DPP10: variants seen among roughly 807,000 people sequenced by gnomAD.
The protein encoded by DPP10 is dipeptidyl peptidase like 10.
A neutral mutation model predicts 120.9 loss-of-function variants in DPP10; 33 were observed. The ratio of observed to expected loss-of-function variants is 0.27; its 90% CI spans 0.21 to 0.37. DPP10 has a LOEUF of 0.37. DPP10 is among the 10% of genes least tolerant of loss of function. The probability of loss-of-function intolerance (pLI) is 1.00; values close to 1 mark genes in which losing one functional copy is unlikely to be tolerated. For missense variants in DPP10, 816 were observed against 942.8 expected (o/e 0.87, Z 1.76); for synonymous variants, 337 against 326.1 (o/e 1.03, Z -0.36).
At chr2:115,227,452 A>G (rs773624523) in intron 1 of DPP10, among the ~76,000 whole-genome samples, 1 of 152,076 alleles carries the variant, frequency 6.6e-6, no homozygotes, top group African/African-American at 2.4e-5. Context: ...TGTAATTTGC[A>G]TACAGTGAAG....
At chr2:115,658,121 A>G (rs973535961) in intron 5 of DPP10, among the ~76,000 whole-genome samples, 1 of 151,948 alleles carries the variant, frequency 6.6e-6, no homozygotes, top group East Asian at 1.9e-4. Flanking sequence ...CTGGATTGCT[A>G]TGCTCTATTT....
chr2:115,343,023 G>A (rs956082173), intron 2 of DPP10, among the ~76,000 whole-genome samples: 16 of 152,114 alleles, frequency 1.1e-4, no homozygotes, highest in Admixed American at 2.6e-4. Context: ...ATAGCTGAAA[G>A]GTCACAAAGA....
chr2:115,189,841 G>A (rs546494514), intron 1 of DPP10, among the ~76,000 whole-genome samples: 7 of 152,122 alleles, frequency 4.6e-5, no homozygotes, highest in African/African-American at 1.2e-4. Context: ...AGTAAGCATC[G>A]AGGCTATGAT....
intron 5 of DPP10, among the ~76,000 whole-genome samples, chr2:115,685,475 C>T (rs2090938266): frequency 6.6e-6 from 1 of 151,958 alleles, no homozygotes; most frequent in Non-Finnish European, 1.5e-5. Flanking sequence ...CCGAATGGAA[C>T]ATAAGCTCCG....
At position 114,650,596 on chromosome 2, in the gene DPP10, T is replaced by C. The variant is rs546312209; in HGVS notation, c.60+207758T>C. On this transcript the variant is annotated intron_variant, in intron 1 of 25. Coordinates refer to ENST00000410059, the MANE Select transcript of DPP10 (RefSeq NM_020868.6). ...CTTTTCACTTATTCAGAGCATCCCA[T>C]TAGTTTACATGAGAGAAAAGGAATT... is the stretch of plus-strand genomic sequence containing the variant. Among the ~76,000 whole-genome samples, 20 of 152,312 alleles carry C rather than the reference T, an allele frequency of 1.3e-4. No individual in the cohort carries two copies. In the South Asian group the frequency reaches 4.1e-3, roughly 32 times the overall value.
chr2:115,818,656 A>C (rs539815113), intron 21 of DPP10, among the ~76,000 whole-genome samples: 1 of 152,316 alleles, frequency 6.6e-6, no homozygotes, highest in Admixed American at 6.5e-5. Flanking sequence ...TGTTATTAGA[A>C]GAATGATAGG....
rs1056461170 is a variant in DPP10, at chr2:114,914,975, C to G, written c.61-394264C>G. On this transcript the variant is annotated intron_variant, in intron 1 of 25. Transcript: ENST00000410059. ...TGAAACCCCGTCTCTACTAAAAATA[C>G]AAAAAATTAGCCGGGCGTAGTGGTG... is the stretch of plus-strand genomic sequence containing the variant. 3.3e-5 allele frequency among the ~76,000 whole-genome samples: 5 copies of G among 152,070 alleles called. No homozygotes were observed. The East Asian group carries it at 9.7e-4, about 29-fold the overall frequency.
chr2:115,450,898 A>T (rs2073057559), intron 3 of DPP10, among the ~76,000 whole-genome samples: 1 of 151,958 alleles, frequency 6.6e-6, no homozygotes, highest in Admixed American at 6.6e-5. Context: ...AGATAATGAA[A>T]ATATTAACAG....
chr2:115,544,096 C>A (rs2079346777), intron 5 of DPP10, among the ~76,000 whole-genome samples: 1 of 150,498 alleles, frequency 6.6e-6, no homozygotes, highest in Non-Finnish European at 1.5e-5. Flanking sequence ...TATTTTCTTC[C>A]TGAAAATGTG....
Position 115,304,201 on chromosome 2 carries a change from AT to A in DPP10, c.61-5028del, listed in dbSNP as rs988430061. ...GTGAACTGATGGAAGAGGAGACCCC[AT>A]TTTTTTTTTAATTTTGAGGAACTTT... On this transcript the variant is annotated intron_variant, in intron 1 of 25. Coordinates refer to ENST00000410059, the MANE Select transcript of DPP10 (RefSeq NM_020868.6). Among the ~76,000 whole-genome samples the A allele has an allele frequency of 2.1e-4, 32 of 149,626 alleles. No homozygotes were observed. In the South Asian group the frequency reaches 3.6e-3, roughly 17 times the overall value.
intron 1 of DPP10, among the ~76,000 whole-genome samples, chr2:114,877,354 A>C (rs1691240366): frequency 6.6e-6 from 1 of 152,070 alleles, no homozygotes. Flanking sequence ...GTAACAAGTA[A>C]GAAAGGATAC....
At chr2:114,681,129 T>C (rs191597784) in intron 1 of DPP10, among the ~76,000 whole-genome samples, 2 of 152,080 alleles carry the variant, frequency 1.3e-5, no homozygotes, top group Non-Finnish European at 2.9e-5. Flanking sequence ...TAAATCTTGC[T>C]TTTTCTGAAG....
At chr2:115,411,125 G>A (rs1056550331) in intron 3 of DPP10, among the ~76,000 whole-genome samples, 47 of 152,188 alleles carry the variant, frequency 3.1e-4, no homozygotes, top group African/African-American at 1.1e-3. Context: ...GAGATCAGGG[G>A]TTCGAGACCA....
intron 19 of DPP10, among the ~76,000 whole-genome samples, chr2:115,801,725 TG>T (rs1685262526): frequency 6.6e-6 from 1 of 152,190 alleles, no homozygotes; most frequent in Non-Finnish European, 1.5e-5. Context: ...GTTTATATGC[TG>T]GATTACGTTT....
At chr2:115,183,848 A>G (rs1455067428) in intron 1 of DPP10, among the ~76,000 whole-genome samples, 1 of 152,150 alleles carries the variant, frequency 6.6e-6, no homozygotes, top group Non-Finnish European at 1.5e-5. Context: ...AAAATTAGGA[A>G]GAGCAAGCAA....
At chr2:115,518,147 A>T (rs970578205) in intron 4 of DPP10, among the ~76,000 whole-genome samples, 5 of 152,182 alleles carry the variant, frequency 3.3e-5, no homozygotes, top group Admixed American at 1.3e-4. Context: ...TTCATGAGGA[A>T]GCCTGTCCCA....
intron 1 of DPP10, among the ~76,000 whole-genome samples, chr2:114,484,955 AG>A (rs1439128629): frequency 6.6e-6 from 1 of 150,580 alleles, no homozygotes; most frequent in African/African-American, 2.4e-5. Flanking sequence ...TTTTTTTTGA[AG>A]AACGGGTTTC....
At chr2:114,480,669 GACACAGGAAGGGGAAC>G (rs2104674303) in intron 1 of DPP10, among the ~76,000 whole-genome samples, 1 of 136,072 alleles carries the variant, frequency 7.3e-6, no homozygotes, top group South Asian at 2.3e-4. Flanking sequence ...AGAACACATG[GACACAGGAAGGGGAAC>G]ATCACACACC....
At chr2:115,800,359 C>A (rs1386711963) in intron 19 of DPP10, among the ~76,000 whole-genome samples, 1 of 152,042 alleles carries the variant, frequency 6.6e-6, no homozygotes, top group South Asian at 2.1e-4. Flanking sequence ...GAGTAGGTTG[C>A]AAAAATTTTC....
Sources: allele counts gnomAD v4.1 joint callset (sites outside exome capture counted in the v4.1 genomes callset), GRCh38; gene constraint gnomAD v4.1.1; transcripts MANE v1.5; gene names NCBI Gene and HGNC (gene_info 2026-07-23, HGNC 2026-07-21).